The following ZNF366 variants were observed in gnomAD, a reference collection of about 807,000 sequenced individuals.
ZNF366 encodes zinc finger protein 366.
ZNF366 carries 20 observed loss-of-function variants against 47.2 expected under a neutral mutation model. The observed-to-expected ratio is 0.42, with a 90% CI of 0.30 to 0.62. ZNF366 has a LOEUF of 0.62. Ranked by LOEUF, ZNF366 falls within the 20% of genes least tolerant of loss-of-function variation. ZNF366 has a pLI of 0.16. For synonymous variants in ZNF366, 421 were observed against 395.1 expected, an observed-to-expected ratio of 1.07 and a Z score of -0.78; for missense variants, 987 against 976.3, an observed-to-expected ratio of 1.01 and a Z score of -0.15.
rs1421352775 is a variant in ZNF366 at position 72,443,989 on chromosome 5, CCTT to C, written c.1999_2001del (p.Lys667del). 3 of 1,614,192 alleles carry C rather than the reference CCTT, an allele frequency of 1.9e-6. No individual in the cohort carries two copies. Among genetic ancestry groups the C allele is most frequent in the East Asian group, 2.2e-5 (1 of 44,876 alleles). Reference sequence around the variant, plus strand: ...TCCCATTCTCCCTTGGATGCATCCTCCTTCTCCTCCTTGCAGGCTTCCTCCAGC... The same window carrying C: ...TCCCATTCTCCCTTGGATGCATCCTCCTCCTCCTTGCAGGCTTCCTCCAGC... On this transcript the variant is annotated inframe_deletion, in exon 5 of 5. Coordinates refer to ENST00000318442, the MANE Select transcript of ZNF366 (RefSeq NM_152625.3).
intron 1 of ZNF366, among the ~76,000 whole-genome samples, chr5:72,485,512 A>G (rs1743874209): frequency 6.6e-6 from 1 of 152,168 alleles, no homozygotes; most frequent in African/African-American, 2.4e-5. Flanking sequence ...CTAGAATCCA[A>G]GCACTTCTCA....
chr5:72,458,524 T>G (rs1414908131), intron 2 of ZNF366, among the ~76,000 whole-genome samples: 12 of 152,224 alleles, frequency 7.9e-5, no homozygotes, highest in Non-Finnish European at 1.5e-5. Flanking sequence ...CTGTTGTCTC[T>G]CTGATAGGAT....
chr5:72,470,276 C>T (rs942777584), intron 1 of ZNF366, among the ~76,000 whole-genome samples: 3 of 152,178 alleles, frequency 2.0e-5, no homozygotes, highest in Non-Finnish European at 4.4e-5. Context: ...CATGGCCCCA[C>T]CAGATGCTGC....
At chr5:72,491,174 A>G (rs1744001157) in intron 1 of ZNF366, among the ~76,000 whole-genome samples, 1 of 152,242 alleles carries the variant, frequency 6.6e-6, no homozygotes, top group South Asian at 2.1e-4. Context: ...TTGGCCTAGT[A>G]CAAGTTAATA....
rs771443877 is a variant in ZNF366 at position 72,460,309 on chromosome 5, G to A, written c.1188C>T (p.Ser396=). The A allele has an allele frequency of 3.7e-6, 6 of 1,614,236 alleles. No homozygotes were observed. In the East Asian group the frequency reaches 6.7e-5, roughly 18 times the overall value. ...GGTACTGGAAGGTCTTGTCGCACTC[G>A]GAGCAGTTGTACTGGATGGGGCCCC... ...THRGPIQYNC[S]ECDKTFQYPS... is the part of the protein sequence containing the mutation. Residue 396 remains serine (S), a synonymous_variant, in exon 2 of 5, where the codon TCC becomes TCT. Transcript: ENST00000318442.
intron 1 of ZNF366, among the ~76,000 whole-genome samples, chr5:72,476,551 C>T (rs980401011): frequency 3.3e-5 from 5 of 152,230 alleles, no homozygotes; most frequent in East Asian, 3.9e-4. Context: ...ACCACCCACC[C>T]AGGATACTAA....
chr5:72,458,933 C>T (rs1743246754), intron 2 of ZNF366, among the ~76,000 whole-genome samples: 1 of 152,162 alleles, frequency 6.6e-6, no homozygotes, highest in Non-Finnish European at 1.5e-5. Context: ...CTAAAATGCA[C>T]TTTTGATTCC....
At chr5:72,473,190 A>G (rs1179886179) in intron 1 of ZNF366, among the ~76,000 whole-genome samples, 1 of 152,200 alleles carries the variant, frequency 6.6e-6, no homozygotes, top group Non-Finnish European at 1.5e-5. Context: ...AACTGCCTGG[A>G]ATGTGGATAT....
At chr5:72,445,111 C>A (rs1206379095) in intron 4 of ZNF366, among the ~76,000 whole-genome samples, 2 of 152,208 alleles carry the variant, frequency 1.3e-5, no homozygotes, top group African/African-American at 2.4e-5. Context: ...CTCTGAGGAG[C>A]TCACACAGCC....
chr5:72,450,871 A>G (rs1225602281), intron 3 of ZNF366, among the ~76,000 whole-genome samples: 1 of 152,200 alleles, frequency 6.6e-6, no homozygotes, highest in East Asian at 1.9e-4. Context: ...TAGTAAAGAG[A>G]GGCCAGAGAA....
chr5:72,503,684 A>G (rs1561207471), intron 1 of ZNF366, among the ~76,000 whole-genome samples: 1 of 152,238 alleles, frequency 6.6e-6, no homozygotes, highest in East Asian at 1.9e-4. Context: ...TGAGAACAGC[A>G]GTGTTCTGAC....
Position 72,442,613 on chromosome 5 carries a change from C to T in ZNF366, c.*1143G>A. On this transcript the variant is annotated 3_prime_UTR_variant, in exon 5 of 5. Transcript: ENST00000318442. ...CCCAGCTCTAGCTCTGAGGAGAAAG[C>T]CCCCTGGTCACTGGTGACAAGTCTT... 1 of 151,450 alleles carries T rather than the reference C, an allele frequency of 6.6e-6. No individual in the cohort carries two copies. The highest frequency in any genetic ancestry group is 1.9e-4 in the East Asian group (1 of 5,150). 9.4% of individuals were successfully genotyped at this position (151,450 alleles called of 1,614,324 possible).
At chr5:72,473,481 T>C (rs530667235) in intron 1 of ZNF366, among the ~76,000 whole-genome samples, 1 of 152,230 alleles carries the variant, frequency 6.6e-6, no homozygotes, top group African/African-American at 2.4e-5. Context: ...AGTCCAACTC[T>C]GTTCCCCTTC....
chr5:72,451,726 TAG>T (rs1743074599), intron 3 of ZNF366, among the ~76,000 whole-genome samples: 1 of 152,112 alleles, frequency 6.6e-6, no homozygotes, highest in African/African-American at 2.4e-5. Context: ...TGGAGTGTAG[TAG>T]AAATGCAAGC....
At chr5:72,455,308 A>G (rs1020548842) in intron 3 of ZNF366, among the ~76,000 whole-genome samples, 6 of 152,160 alleles carry the variant, frequency 3.9e-5, no homozygotes, top group African/African-American at 1.4e-4. Flanking sequence ...AAGTGGGGCC[A>G]CACTGCAGAG....
In ZNF366 at chr5:72,443,885, G is replaced by A; in HGVS notation, c.2106C>T (p.Leu702=). 1 of 1,614,198 alleles carries A rather than the reference G, an allele frequency of 6.2e-7. No homozygotes were observed. Among genetic ancestry groups the A allele is most frequent in the Non-Finnish European group, 8.5e-7 (1 of 1,180,042 alleles). ...CCCGCCGGGTACTCTGAAAAGCCCT[G>A]AGACTGAGACACTCATCTCTGCCGG... is the stretch of plus-strand genomic sequence containing the variant. ...DCAGRDECLS[L]RAFQSTRRGP... The change falls in exon 5 of 5, where the codon CTC becomes CTT. Residue 702 remains leucine (L), a synonymous_variant. Transcript: ENST00000318442.
intron 1 of ZNF366, among the ~76,000 whole-genome samples, chr5:72,504,422 A>G (rs138588054): frequency 6.6e-6 from 1 of 152,236 alleles, no homozygotes; most frequent in Non-Finnish European, 1.5e-5. Flanking sequence ...TTGCACGTTC[A>G]TCTAAGTTGA....
chr5:72,495,327 C>T (rs896337121), intron 1 of ZNF366, among the ~76,000 whole-genome samples: 3 of 152,120 alleles, frequency 2.0e-5, no homozygotes, highest in Admixed American at 6.5e-5. Context: ...TTAATTCCTA[C>T]CCAAAGAGGG....
intron 1 of ZNF366, among the ~76,000 whole-genome samples, chr5:72,475,738 G>A (rs913401667): frequency 2.6e-4 from 39 of 152,274 alleles, no homozygotes; most frequent in African/African-American, 9.4e-4. Flanking sequence ...AAAAAGACTG[G>A]AGCATTCTGA....
Sources: allele counts gnomAD v4.1 joint callset (sites outside exome capture counted in the v4.1 genomes callset), GRCh38; gene constraint gnomAD v4.1.1; transcripts MANE v1.5; gene names NCBI Gene and HGNC (gene_info 2026-07-23, HGNC 2026-07-21).